Variants in PTPRD observed in about 807,000 individuals in gnomAD.
The protein encoded by PTPRD is receptor-type tyrosine-protein phosphatase delta.
In PTPRD, 34 loss-of-function variants were observed where a neutral mutation model predicts 214.5. The observed-to-expected ratio is 0.16, with a 90% CI of 0.12 to 0.21. The LOEUF is 0.21. Among genes scored for constraint, PTPRD ranks in the 10% least tolerant of loss-of-function variants. The pLI, the probability that PTPRD is intolerant of heterozygous loss-of-function variation, is 1.00. For synonymous variants in PTPRD, 1,128 were observed against 845.7 expected (o/e 1.33, Z -5.79); for missense variants, 2,545 against 2,398.7 (o/e 1.06, Z -1.27).
chr9:9,674,431 A>G (rs2096890647), intron 7 of PTPRD, among the ~76,000 whole-genome samples: 1 of 151,824 alleles, frequency 6.6e-6, no homozygotes. Flanking sequence ...AAAATGGAAG[A>G]GAAAAAACAT....
intron 33 of PTPRD, among the ~76,000 whole-genome samples, chr9:8,452,830 T>G (rs2096013331): frequency 6.6e-6 from 1 of 152,112 alleles, no homozygotes; most frequent in South Asian, 2.1e-4. Context: ...GGCTCTCATC[T>G]GGGGGGAAGA....
chr9:10,512,947 A>G (rs2048789925), intron 2 of PTPRD, among the ~76,000 whole-genome samples: 1 of 152,130 alleles, frequency 6.6e-6, no homozygotes, highest in South Asian at 2.1e-4. Flanking sequence ...ATTACTTATC[A>G]TGAGATCTAG....
intron 6 of PTPRD, among the ~76,000 whole-genome samples, chr9:9,764,559 A>T (rs541831312): frequency 3.3e-5 from 5 of 152,346 alleles, no homozygotes; most frequent in African/African-American, 1.2e-4. Flanking sequence ...TGAGATTATT[A>T]TTAAGAAGTT....
chr9:9,617,465 G>C (rs367986588), intron 7 of PTPRD, among the ~76,000 whole-genome samples: 52 of 152,214 alleles, frequency 3.4e-4, no homozygotes, highest in African/African-American at 1.2e-3. Flanking sequence ...GAAATAAGTA[G>C]GATAATCCTG....
At chr9:9,066,548 C>G (rs935613102) in intron 10 of PTPRD, among the ~76,000 whole-genome samples, 8 of 128,332 alleles carry the variant, frequency 6.2e-5, no homozygotes, top group Non-Finnish European at 1.2e-4. Flanking sequence ...ATATGACCAA[C>G]AACAACAACA....
At chr9:10,326,939 A>G (rs374410028) in intron 3 of PTPRD, among the ~76,000 whole-genome samples, 1 of 151,582 alleles carries the variant, frequency 6.6e-6, no homozygotes, top group East Asian at 2.0e-4. Flanking sequence ...CTATGAGAAC[A>G]AAAACTTCAG....
intron 9 of PTPRD, among the ~76,000 whole-genome samples, chr9:9,197,575 T>G (rs1310785440): frequency 2.0e-5 from 3 of 152,020 alleles, no homozygotes; most frequent in Non-Finnish European, 4.4e-5. Flanking sequence ...CACACCCAGA[T>G]GATTTCTGTA....
chr9:9,564,591 T>C (rs981304383), intron 8 of PTPRD, among the ~76,000 whole-genome samples: 1 of 152,048 alleles, frequency 6.6e-6, no homozygotes, highest in East Asian at 1.9e-4. Flanking sequence ...AGCTTTCTTT[T>C]TTTAAACAAT....
At chr9:10,572,615 A>G (rs1227412455) in intron 2 of PTPRD, among the ~76,000 whole-genome samples, 2 of 152,180 alleles carry the variant, frequency 1.3e-5, no homozygotes, top group Non-Finnish European at 2.9e-5. Flanking sequence ...TACCAACTAA[A>G]AAAAGCAGTT....
intron 8 of PTPRD, among the ~76,000 whole-genome samples, chr9:9,543,253 A>G (rs1010384079): frequency 2.0e-5 from 3 of 151,670 alleles, no homozygotes; most frequent in Non-Finnish European, 4.4e-5. Context: ...AATAGACATA[A>G]CAAATTATGG....
At chr9:8,361,986 A>G (rs953243001) in intron 39 of PTPRD, among the ~76,000 whole-genome samples, 1 of 152,206 alleles carries the variant, frequency 6.6e-6, no homozygotes, top group Admixed American at 6.5e-5. Flanking sequence ...GTGAAGCTTT[A>G]GCAGAAAACC....
At chr9:10,343,621 C>G (rs1471140874) in intron 2 of PTPRD, among the ~76,000 whole-genome samples, 1 of 152,166 alleles carries the variant, frequency 6.6e-6, no homozygotes, top group Admixed American at 6.6e-5. Flanking sequence ...TATTTCTCCA[C>G]AACATCTCCA....
chr9:8,318,896 C>T lies in PTPRD; in HGVS notation c.5670+935G>A, dbSNP rs943775243. Among the ~76,000 whole-genome samples the T allele has an allele frequency of 6.6e-5, 10 of 151,968 alleles. No homozygotes were observed. In the South Asian group the frequency reaches 1.9e-3, roughly 28 times the overall value. On this transcript the variant is annotated intron_variant, in intron 45 of 45. Coordinates refer to ENST00000381196, the MANE Select transcript of PTPRD (RefSeq NM_002839.4). ...AAGAAACCTATTTTCAGTGGCCAAT[C>T]GGGCTGAAAGTAGACAGATAGTTTC...
At chr9:9,535,757 A>G (rs1042512878) in intron 8 of PTPRD, among the ~76,000 whole-genome samples, 1 of 152,128 alleles carries the variant, frequency 6.6e-6, no homozygotes, top group East Asian at 1.9e-4. Flanking sequence ...TTCAGAAGGG[A>G]TTTCCTTTCT....
chr9:10,195,603 T>G (rs1318851923), intron 3 of PTPRD, among the ~76,000 whole-genome samples: 1 of 152,172 alleles, frequency 6.6e-6, no homozygotes, highest in African/African-American at 2.4e-5. Flanking sequence ...AGGTCAACTT[T>G]AGTATAAGGT....
At chr9:9,463,881 A>T (rs1383671497) in intron 8 of PTPRD, among the ~76,000 whole-genome samples, 4 of 152,114 alleles carry the variant, frequency 2.6e-5, no homozygotes, top group South Asian at 4.1e-4. Context: ...CAGGCCTCCC[A>T]AATAGTATCA....
chr9:8,600,198 G>T (rs999299615), intron 14 of PTPRD, among the ~76,000 whole-genome samples: 6 of 152,184 alleles, frequency 3.9e-5, no homozygotes, highest in African/African-American at 1.2e-4. Flanking sequence ...CCTGCCCATG[G>T]AGGGGGCATT....
chr9:8,382,415 G>T (rs1270916386), intron 37 of PTPRD, among the ~76,000 whole-genome samples: 1 of 152,150 alleles, frequency 6.6e-6, no homozygotes, highest in Admixed American at 6.6e-5. Flanking sequence ...CAGGAGCAAA[G>T]TTGCATCTCC....
chr9:10,194,940 A>AT (rs2099391425), intron 3 of PTPRD, among the ~76,000 whole-genome samples: 2 of 146,148 alleles, frequency 1.4e-5, no homozygotes, highest in South Asian at 4.6e-4. Flanking sequence ...ATTTTCATTT[A>AT]ATTTTTTTTT....
Sources: gnomAD v4.1 joint callset for allele counts (sites outside exome capture counted in the v4.1 genomes callset) on GRCh38, gnomAD v4.1.1 for gene constraint, MANE v1.5 for transcripts, NCBI Gene and HGNC (gene_info 2026-07-23, HGNC 2026-07-21) for gene names.